Variants in BRINP3 observed in about 807,000 individuals in gnomAD.
The protein encoded by BRINP3 is BMP/retinoic acid inducible neural specific 3.
In BRINP3, 19 loss-of-function variants were observed where a neutral mutation model predicts 71.0. That is an observed-to-expected ratio of 0.27 (90% CI 0.19 to 0.39). BRINP3 has a LOEUF of 0.39. Among genes scored for constraint, BRINP3 ranks in the 10% least tolerant of loss-of-function variants. The pLI is 1.00. For missense variants in BRINP3, 959 were observed against 940.8 expected (o/e 1.02, Z -0.25); for synonymous variants, 380 against 337.7 (o/e 1.13, Z -1.37).
intron 2 of BRINP3, among the ~76,000 whole-genome samples, chr1:190,316,749 G>A (rs1235388860): frequency 1.3e-5 from 2 of 152,064 alleles, no homozygotes; most frequent in African/African-American, 4.8e-5. Flanking sequence ...TCTAAGTCCT[G>A]AAAGAATTGT....
chr1:190,468,056 C>T (rs1676877745), intron 1 of BRINP3, among the ~76,000 whole-genome samples: 2 of 151,294 alleles, frequency 1.3e-5, no homozygotes, highest in Admixed American at 6.6e-5. Context: ...ACAGCAATCA[C>T]TGTTACTGGA....
At chr1:190,453,307 A>G (rs1571352305) in intron 2 of BRINP3, among the ~76,000 whole-genome samples, 1 of 129,376 alleles carries the variant, frequency 7.7e-6, no homozygotes, top group African/African-American at 3.0e-5. Flanking sequence ...TGCAAGCTCC[A>G]CCTCCCGAGT....
At chr1:190,439,570 A>G (rs1047555805) in intron 2 of BRINP3, among the ~76,000 whole-genome samples, 3 of 151,628 alleles carry the variant, frequency 2.0e-5, no homozygotes, top group African/African-American at 7.2e-5. Context: ...TGAATGAATT[A>G]ATGGTAGAAA....
chr1:190,366,839 ACT>A (rs1303182943), intron 2 of BRINP3, among the ~76,000 whole-genome samples: 1 of 152,076 alleles, frequency 6.6e-6, no homozygotes. Context: ...ATTTCCTTTG[ACT>A]CTGTGTCTCA....
intron 2 of BRINP3, among the ~76,000 whole-genome samples, chr1:190,365,790 CAAT>C (rs1427794733): frequency 3.7e-5 from 4 of 108,304 alleles, no homozygotes; most frequent in Admixed American, 1.1e-4. Flanking sequence ...GCGAAGAGTA[CAAT>C]GAGAGAGCAA....
intron 2 of BRINP3, among the ~76,000 whole-genome samples, chr1:190,307,420 C>T (rs1665195680): frequency 6.6e-6 from 1 of 151,484 alleles, no homozygotes; most frequent in African/African-American, 2.4e-5. Context: ...AGGCTTGCAC[C>T]ACCACACCTG....
chr1:190,246,741 A>T (rs977292311), intron 4 of BRINP3, among the ~76,000 whole-genome samples: 2 of 152,052 alleles, frequency 1.3e-5, no homozygotes, highest in African/African-American at 4.8e-5. Flanking sequence ...TAGCTGTTTT[A>T]TGTGGCTTGC....
At chr1:190,121,380 T>C (rs1248763241) in intron 7 of BRINP3, among the ~76,000 whole-genome samples, 1 of 152,060 alleles carries the variant, frequency 6.6e-6, no homozygotes, top group Non-Finnish European at 1.5e-5. Context: ...AAACCAACAA[T>C]AATTGTACAA....
chr1:190,165,940 C>T lies in BRINP3; in HGVS notation c.962-5050G>A, dbSNP rs575923347. ...CACTACTAATACACAAATTTTGACC[C>T]TCGCTATAACCCTTAGTAGAACTGG... On this transcript the variant is annotated intron_variant, in intron 6 of 7. Coordinates refer to ENST00000367462, the MANE Select transcript of BRINP3 (RefSeq NM_199051.3). Among the ~76,000 whole-genome samples the T allele has an allele frequency of 2.9e-3, 442 of 152,254 alleles. 2 individuals carry two copies. The highest frequency in any genetic ancestry group is 5.1e-3 in the Non-Finnish European group (348 of 68,022).
intron 7 of BRINP3, among the ~76,000 whole-genome samples, chr1:190,129,018 T>C (rs1485006012): frequency 6.6e-6 from 1 of 151,844 alleles, no homozygotes; most frequent in Non-Finnish European, 1.5e-5. Context: ...TGATTTGATT[T>C]GCAAAGTCTA....
intron 2 of BRINP3, among the ~76,000 whole-genome samples, chr1:190,382,715 A>T (rs183351253): frequency 2.6e-5 from 4 of 152,258 alleles, no homozygotes; most frequent in South Asian, 2.1e-4. Context: ...TCAAATATTT[A>T]AAAAAATTAT....
intron 7 of BRINP3, among the ~76,000 whole-genome samples, chr1:190,142,601 A>C (rs554340462): frequency 2.0e-5 from 3 of 152,138 alleles, no homozygotes; most frequent in South Asian, 2.1e-4. Context: ...TTTTGTCTTC[A>C]TTTTTTACAA....
At chr1:190,195,009 T>A (rs1395398095) in intron 6 of BRINP3, among the ~76,000 whole-genome samples, 5 of 152,146 alleles carry the variant, frequency 3.3e-5, no homozygotes, top group African/African-American at 1.2e-4. Flanking sequence ...TATTTCCTTT[T>A]CATGCTTTCT....
intron 2 of BRINP3, among the ~76,000 whole-genome samples, chr1:190,287,622 G>T (rs1454609128): frequency 6.6e-6 from 1 of 152,090 alleles, no homozygotes; most frequent in Non-Finnish European, 1.5e-5. Flanking sequence ...ATTAATGACT[G>T]TTGTATTTTG....
At chr1:190,263,953 C>T (rs1267026282) in intron 4 of BRINP3, among the ~76,000 whole-genome samples, 2 of 152,120 alleles carry the variant, frequency 1.3e-5, no homozygotes, top group African/African-American at 2.4e-5. Flanking sequence ...AGTAATACAA[C>T]GTTACATTTA....
intron 6 of BRINP3, among the ~76,000 whole-genome samples, chr1:190,205,439 C>A (rs1440017620): frequency 6.6e-6 from 1 of 152,060 alleles, no homozygotes; most frequent in Non-Finnish European, 1.5e-5. Context: ...GATGAATAAG[C>A]TTTCCATGTT....
At chr1:190,344,449 T>C (rs150825991) in intron 2 of BRINP3, among the ~76,000 whole-genome samples, 51 of 130,016 alleles carry the variant, frequency 3.9e-4, no homozygotes, top group African/African-American at 1.2e-3. Context: ...CAGTACCCTC[T>C]CAAAACTTTT....
intron 2 of BRINP3, among the ~76,000 whole-genome samples, chr1:190,421,572 C>A (rs1673388840): frequency 6.6e-6 from 1 of 151,528 alleles, no homozygotes; most frequent in Non-Finnish European, 1.5e-5. Flanking sequence ...TGAATATCGG[C>A]ATCATTTCTT....
At chr1:190,194,799 T>A (rs1654336355) in intron 6 of BRINP3, among the ~76,000 whole-genome samples, 1 of 152,068 alleles carries the variant, frequency 6.6e-6, no homozygotes, top group African/African-American at 2.4e-5. Flanking sequence ...GGATTTTTAA[T>A]AAGAAAGCAG....
Sources: allele counts gnomAD v4.1 joint callset (sites outside exome capture counted in the v4.1 genomes callset), GRCh38; gene constraint gnomAD v4.1.1; transcripts MANE v1.5; gene names NCBI Gene and HGNC (gene_info 2026-07-23, HGNC 2026-07-21).